AUTS2: variants seen among roughly 807,000 people sequenced by gnomAD.
The protein encoded by AUTS2 is autism susceptibility gene 2 protein.
A neutral mutation model predicts 112.4 loss-of-function variants in AUTS2; 17 were observed. The ratio of observed to expected loss-of-function variants is 0.15; its 90% confidence interval spans 0.10 to 0.23. The LOEUF (loss-of-function observed/expected upper bound fraction) is 0.23. Ranked by LOEUF, AUTS2 falls within the 10% of genes least tolerant of loss-of-function variation. The pLI is 1.00. For synonymous variants in AUTS2, 751 were observed against 702.7 expected, an observed-to-expected ratio of 1.07 and a Z score of -1.09; for missense variants, 1,510 against 1,701.6, an observed-to-expected ratio of 0.89 and a Z score of 1.98.
chr7:69,996,857 A>G (rs1798964722), intron 2 of AUTS2, among the ~76,000 whole-genome samples: 2 of 151,368 alleles, frequency 1.3e-5, no homozygotes, highest in Non-Finnish European at 2.9e-5. Flanking sequence ...ACATTTTATA[A>G]CCCACTCCAG....
chr7:69,648,734 T>A (rs1471306196), intron 1 of AUTS2, among the ~76,000 whole-genome samples: 1 of 152,154 alleles, frequency 6.6e-6, no homozygotes, highest in African/African-American at 2.4e-5. Context: ...AGGATGTGTA[T>A]GTGTGAAGGG....
At chr7:70,525,289 T>C (rs896542047) in intron 5 of AUTS2, among the ~76,000 whole-genome samples, 6 of 152,182 alleles carry the variant, frequency 3.9e-5, no homozygotes, top group Non-Finnish European at 8.8e-5. Flanking sequence ...GTTGTAATCT[T>C]CCATTTATTT....
intron 4 of AUTS2, among the ~76,000 whole-genome samples, chr7:70,401,337 G>C (rs1397279034): frequency 6.6e-6 from 1 of 152,200 alleles, no homozygotes; most frequent in Non-Finnish European, 1.5e-5. Flanking sequence ...AAGCCTGCAT[G>C]TGTAGTTTGA....
chr7:70,128,532 G>T (rs1806099334), intron 3 of AUTS2, among the ~76,000 whole-genome samples: 2 of 152,164 alleles, frequency 1.3e-5, no homozygotes, highest in African/African-American at 4.8e-5. Context: ...GAAGGTCTAT[G>T]GGAAGAACAT....
intron 1 of AUTS2, among the ~76,000 whole-genome samples, chr7:69,629,053 C>T (rs553029145): frequency 5.7e-4 from 87 of 152,228 alleles, no homozygotes; most frequent in Non-Finnish European, 7.9e-4. Flanking sequence ...TGGGAAGTAT[C>T]GTTTATGAGA....
intron 2 of AUTS2, among the ~76,000 whole-genome samples, chr7:70,006,227 A>G (rs575240980): frequency 6.6e-6 from 1 of 152,306 alleles, no homozygotes; most frequent in East Asian, 1.9e-4. Context: ...CTTGAAGGAT[A>G]CAACTGGAAA....
At chr7:70,454,110 G>C (rs1796637358) in intron 5 of AUTS2, among the ~76,000 whole-genome samples, 1 of 152,172 alleles carries the variant, frequency 6.6e-6, no homozygotes, top group East Asian at 1.9e-4. Flanking sequence ...ATAGTTTGTG[G>C]GTGGTCGAAG....
At chr7:70,125,229 A>G (rs570145979) in intron 3 of AUTS2, among the ~76,000 whole-genome samples, 6 of 146,100 alleles carry the variant, frequency 4.1e-5, no homozygotes, top group African/African-American at 1.3e-4. Flanking sequence ...TTGGGATACA[A>G]TTTTGTTATT....
Position 70,283,582 on chromosome 7 carries a change from A to G in AUTS2, c.660+149011A>G, listed in dbSNP as rs576467699. 7.2e-5 allele frequency among the ~76,000 whole-genome samples: 11 copies of G among 152,340 alleles called. 1 individual carries two copies. In the South Asian group the frequency reaches 8.3e-4, roughly 11 times the overall value. ...TGTATGTATACACACACATATATAC[A>G]TATGCCACAAGAGAATAAAGTATAC... On this transcript the variant is annotated intron_variant, in intron 4 of 18. Transcript: ENST00000342771.
At chr7:70,763,607 A>G (rs1418343978) in intron 7 of AUTS2, among the ~76,000 whole-genome samples, 1 of 152,038 alleles carries the variant, frequency 6.6e-6, no homozygotes, top group Non-Finnish European at 1.5e-5. Flanking sequence ...AAGGAGAGGA[A>G]GGCTTGGAAA....
chr7:69,646,456 G>T (rs923122389), intron 1 of AUTS2, among the ~76,000 whole-genome samples: 1 of 152,168 alleles, frequency 6.6e-6, no homozygotes, highest in Non-Finnish European at 1.5e-5. Flanking sequence ...TGTCTGTGTG[G>T]ATTATAGTCA....
chr7:69,992,534 A>T (rs1798780424), intron 2 of AUTS2, among the ~76,000 whole-genome samples: 1 of 152,136 alleles, frequency 6.6e-6, no homozygotes, highest in Non-Finnish European at 1.5e-5. Context: ...TTTAAAGAAG[A>T]CAATACTTGG....
At chr7:70,063,399 G>T (rs1210951957) in intron 2 of AUTS2, among the ~76,000 whole-genome samples, 1 of 152,088 alleles carries the variant, frequency 6.6e-6, no homozygotes, top group African/African-American at 2.4e-5. Context: ...ATACCAGAAT[G>T]ATGAAGAGCA....
At chr7:70,285,974 G>C (rs1366122491) in intron 4 of AUTS2, among the ~76,000 whole-genome samples, 2 of 152,230 alleles carry the variant, frequency 1.3e-5, no homozygotes, top group Admixed American at 1.3e-4. Context: ...TGTGAATGTA[G>C]ACTAGCTTGT....
chr7:69,902,371 C>A (rs1307348574), intron 2 of AUTS2, among the ~76,000 whole-genome samples: 1 of 152,134 alleles, frequency 6.6e-6, no homozygotes. Context: ...GAAACTGAAT[C>A]TGACCATCTT....
intron 1 of AUTS2, among the ~76,000 whole-genome samples, chr7:69,800,824 A>T (rs1790050248): frequency 6.6e-6 from 1 of 152,084 alleles, no homozygotes; most frequent in Admixed American, 6.6e-5. Context: ...GTTCCTGAAG[A>T]GGGCTGTGTT....
intron 6 of AUTS2, among the ~76,000 whole-genome samples, chr7:70,731,362 A>G (rs1298796728): frequency 6.9e-6 from 1 of 145,326 alleles, no homozygotes. Context: ...TTTTAAACTT[A>G]TAGGAAGGTT....
At chr7:70,443,290 G>A (rs1467025007) in intron 5 of AUTS2, among the ~76,000 whole-genome samples, 1 of 152,152 alleles carries the variant, frequency 6.6e-6, no homozygotes, top group Non-Finnish European at 1.5e-5. Flanking sequence ...GGTGGGTGGT[G>A]GAGAAGGGCA....
At chr7:70,764,434 T>C (rs1789777393) in intron 7 of AUTS2, among the ~76,000 whole-genome samples, 1 of 152,158 alleles carries the variant, frequency 6.6e-6, no homozygotes, top group Admixed American at 6.5e-5. Flanking sequence ...GCTGGGGATT[T>C]TCTAGGGGCA....
Sources: gnomAD v4.1 joint callset for allele counts (sites outside exome capture counted in the v4.1 genomes callset) on GRCh38, gnomAD v4.1.1 for gene constraint, MANE v1.5 for transcripts, NCBI Gene and HGNC (gene_info 2026-07-23, HGNC 2026-07-21) for gene names.